MKX: variants seen among roughly 807,000 people sequenced by gnomAD.
MKX encodes the protein homeobox protein Mohawk.
MKX carries 13 observed loss-of-function variants against 36.0 expected under a neutral mutation model. The observed-to-expected ratio is 0.36, with a 90% CI of 0.24 to 0.57. MKX has a LOEUF of 0.57. MKX is among the 20% of genes least tolerant of loss of function. The pLI is 0.79. For synonymous variants in MKX, 176 were observed against 178.3 expected (o/e 0.99, Z 0.10); for missense variants, 458 against 456.4 (o/e 1.00, Z -0.03).
At chr10:27,735,957 T>C (rs984199970) in intron 3 of MKX, among the ~76,000 whole-genome samples, 1 of 152,140 alleles carries the variant, frequency 6.6e-6, no homozygotes, top group African/African-American at 2.4e-5. Flanking sequence ...AGAAGGGTAG[T>C]GCATTTGGGG....
At chr10:27,695,402 C>G (rs2132516865) in intron 5 of MKX, among the ~76,000 whole-genome samples, 1 of 149,974 alleles carries the variant, frequency 6.7e-6, no homozygotes, top group African/African-American at 2.5e-5. Flanking sequence ...GAATAGGAGA[C>G]AGGAAAGGAG....
chr10:27,718,831 T>A (rs768998552), intron 5 of MKX, among the ~76,000 whole-genome samples: 96 of 152,286 alleles, frequency 6.3e-4, no homozygotes, highest in Admixed American at 1.4e-3. Flanking sequence ...TCACAATGCA[T>A]CATGTTTTTG....
intron 5 of MKX, among the ~76,000 whole-genome samples, chr10:27,703,501 T>A (rs1836696839): frequency 7.2e-6 from 1 of 139,022 alleles, no homozygotes; most frequent in African/African-American, 2.7e-5. Context: ...TGCAATAAGC[T>A]AGAGAAAGAC....
chr10:27,743,636 C>G, intron 1 of MKX, 139 bp from the exon 2 acceptor site: 1 of 527,274 alleles, frequency 1.9e-6, no homozygotes, highest in Non-Finnish European at 3.2e-6. Flanking sequence ...GGCAGGGACC[C>G]TGCGGCTCTC....
chr10:27,716,733 A>G (rs760036557), intron 5 of MKX, among the ~76,000 whole-genome samples: 6 of 152,166 alleles, frequency 3.9e-5, no homozygotes, highest in Non-Finnish European at 8.8e-5. Context: ...TTGTCTAAAC[A>G]TTTGTGGTTG....
At chr10:27,685,574 G>T (rs9299859) in intron 5 of MKX, among the ~76,000 whole-genome samples, 1 of 151,122 alleles carries the variant, frequency 6.6e-6, no homozygotes, top group Non-Finnish European at 1.5e-5. Context: ...TCAGCCTCCC[G>T]AGTAGCTGGG....
At position 27,734,593 on chromosome 10, in the gene MKX, A is replaced by G; in HGVS notation, c.701T>C (p.Val234Ala). The G allele has an allele frequency of 1.2e-6, 2 of 1,614,182 alleles. No homozygotes were observed. Among genetic ancestry groups the G allele is most frequent in the Non-Finnish European group, 1.7e-6 (2 of 1,180,026 alleles). Reference sequence around the variant, plus strand: ...CATCATGGTAGTGTTCGTGGCCATGACATGTCTCAAAGAGTCATTAAGGTA... The same window carrying G: ...CATCATGGTAGTGTTCGTGGCCATGGCATGTCTCAAAGAGTCATTAAGGTA... ...NRYLNDSLRH[V>A]MATNTTMMGK... Residue 234 changes from valine (V) to alanine (A), a missense_variant, in exon 5 of 7, where the codon GTC becomes GCC. By Grantham distance (64) the Val-to-Ala change is moderately conservative (BLOSUM62 0). Around this residue, in one of 3 missense-constraint regions of MKX, gnomAD observed 297 missense variants for 304.4 expected, o/e 0.98. Transcript: ENST00000419761.
Position 27,735,321 on chromosome 10 carries a change from CT to C in MKX, c.401del (p.Gln134ArgfsTer4). On this transcript the variant is annotated frameshift_variant, in exon 4 of 7. Coordinates refer to ENST00000419761, the MANE Select transcript of MKX (RefSeq NM_173576.3). LOFTEE classifies it high-confidence loss of function. ...ARRRLKNTVRQPDLSWALRIK... is the reference protein window; with the variant it reads ...ARRRLKNTVRXPDLSWALRIK... ...TTCTCAAAGCCCAGCTTAAATCTGGCTGTCGAACGGTATTCTTAAGCCGACG... is the reference window on the plus strand; with the variant it reads ...TTCTCAAAGCCCAGCTTAAATCTGGCGTCGAACGGTATTCTTAAGCCGACG... 1 of 1,613,916 alleles carries C rather than the reference CT, an allele frequency of 6.2e-7. No homozygotes were observed. Among genetic ancestry groups the C allele is most frequent in the Non-Finnish European group, 8.5e-7 (1 of 1,179,918 alleles).
chr10:27,708,996 C>G (rs1050319170), intron 5 of MKX, among the ~76,000 whole-genome samples: 1 of 151,718 alleles, frequency 6.6e-6, no homozygotes, highest in African/African-American at 2.4e-5. Context: ...TGGTGAAACC[C>G]CGTCTGTACT....
At chr10:27,695,648 G>T (rs1392762994) in intron 5 of MKX, among the ~76,000 whole-genome samples, 1 of 152,152 alleles carries the variant, frequency 6.6e-6, no homozygotes, top group Non-Finnish European at 1.5e-5. Flanking sequence ...CTATATTTAT[G>T]TTGACTTTTA....
intron 5 of MKX, among the ~76,000 whole-genome samples, chr10:27,690,584 A>G (rs73604037): frequency 0.034 from 5,167 of 152,168 alleles, 290 homozygotes; most frequent in African/African-American, 0.12. Context: ...TAAAATGGGG[A>G]TCATTGTAAC....
In MKX at chr10:27,719,976, C is replaced by T. The variant is rs529396992; in HGVS notation, c.838+14480G>A. ...TGCACTCCAGCCTGGGCAACAGAGT[C>T]TCAAAAAAAAAAAAAAAAAGAGAGA... On this transcript the variant is annotated intron_variant, in intron 5 of 6. Transcript: ENST00000419761. Among the ~76,000 whole-genome samples the T allele has an allele frequency of 7.6e-4, 87 of 114,720 alleles. No homozygotes were observed. In the Middle Eastern group the frequency reaches 0.016, roughly 21 times the overall value. 75.3% of individuals were successfully genotyped at this position (114,720 alleles called of 152,430 possible).
chr10:27,708,109 A>G (rs985640145), intron 5 of MKX, among the ~76,000 whole-genome samples: 2 of 152,132 alleles, frequency 1.3e-5, no homozygotes, highest in Non-Finnish European at 2.9e-5. Flanking sequence ...AGTTGATTTA[A>G]TTTAAAAAAA....
At chr10:27,694,408 C>G (rs910561970) in intron 5 of MKX, among the ~76,000 whole-genome samples, 1 of 151,316 alleles carries the variant, frequency 6.6e-6, no homozygotes, top group African/African-American at 2.4e-5. Context: ...AGGCTGGGCA[C>G]GGTGGCTCAC....
At position 27,744,410 on chromosome 10, in the gene MKX, G is replaced by T. The variant is rs529025750; in HGVS notation, c.-82-913C>A. Among the ~76,000 whole-genome samples, 12 of 152,176 alleles carry T rather than the reference G, an allele frequency of 7.9e-5. No homozygotes were observed. Among genetic ancestry groups the T allele is most frequent in the Admixed American group, 1.3e-4 (2 of 15,302 alleles). Reference sequence around the variant, plus strand: ...GCCCAAGGCAGGAGGCAGCTTGGTCGGCGCACCTCCCGGGCCACTGCTGCC... The same window carrying T: ...GCCCAAGGCAGGAGGCAGCTTGGTCTGCGCACCTCCCGGGCCACTGCTGCC... On this transcript the variant is annotated intron_variant, in intron 1 of 6. Transcript: ENST00000419761. The surrounding 1 kb of genome is among the most constrained non-coding windows in gnomAD (Gnocchi z 5.6).
intron 3 of MKX, among the ~76,000 whole-genome samples, chr10:27,740,008 A>G (rs1382063659): frequency 6.6e-6 from 1 of 152,180 alleles, no homozygotes; most frequent in Non-Finnish European, 1.5e-5. Flanking sequence ...CACTAAATTA[A>G]TTTTCCCCTC....
chr10:27,690,897 G>C (rs189223602), intron 5 of MKX, among the ~76,000 whole-genome samples: 55 of 152,288 alleles, frequency 3.6e-4, no homozygotes, highest in Non-Finnish European at 5.7e-4. Flanking sequence ...ATCAGATCAT[G>C]GGGTGGTTTC....
intron 3 of MKX, among the ~76,000 whole-genome samples, chr10:27,739,991 C>T (rs1044859603): frequency 6.6e-6 from 1 of 152,020 alleles, no homozygotes; most frequent in African/African-American, 2.4e-5. Context: ...AGATATTAAG[C>T]CAAGAACACT....
chr10:27,727,269 C>T (rs1008348779), intron 5 of MKX, among the ~76,000 whole-genome samples: 1 of 152,184 alleles, frequency 6.6e-6, no homozygotes, highest in African/African-American at 2.4e-5. Flanking sequence ...CATCTATCTA[C>T]ACGTAGGATT....
Sources: gnomAD v4.1 joint callset for allele counts (sites outside exome capture counted in the v4.1 genomes callset) on GRCh38, gnomAD v4.1.1 for gene constraint, gnomAD v4.1.1 regional missense constraint, Gnocchi (gnomAD v3.1) non-coding constraint, MANE v1.5 for transcripts, NCBI Gene and HGNC (gene_info 2026-07-23, HGNC 2026-07-21) for gene names.